EDA: variants seen among roughly 807,000 people sequenced by gnomAD.
EDA encodes ectodysplasin A, also known as ectodysplasin-A.
A neutral mutation model predicts 23.6 loss-of-function variants in EDA; 2 were observed. The ratio of observed to expected loss-of-function variants is 0.08; its 90% CI spans 0.03 to 0.27. The LOEUF (loss-of-function observed/expected upper bound fraction) is 0.27, where lower values mean the gene tolerates loss of function less well. Ranked by LOEUF, EDA falls within the 10% of genes least tolerant of loss-of-function variation. The pLI is 1.00. For missense variants in EDA, 229 were observed against 324.2 expected (o/e 0.71, Z 2.26); for synonymous variants, 131 against 132.0 (o/e 0.99, Z 0.05).
At chrX:69,719,941 G>C (rs755117061) in intron 1 of EDA, among the ~76,000 whole-genome samples, 13 of 110,018 alleles carry the variant, frequency 1.2e-4, no homozygotes, top group African/African-American at 2.6e-4. Flanking sequence ...GTAGGGATGG[G>C]GTTTCACCAT....
intron 1 of EDA, among the ~76,000 whole-genome samples, chrX:69,711,158 A>G (rs2012005783): frequency 9.0e-6 from 1 of 111,238 alleles, no homozygotes; most frequent in African/African-American, 3.3e-5. Flanking sequence ...TTATTTTGAG[A>G]TACGTCCCAT....
At chrX:69,850,180 A>T (rs1330885258) in intron 1 of EDA, among the ~76,000 whole-genome samples, 1 of 111,933 alleles carries the variant, frequency 8.9e-6, no homozygotes, top group African/African-American at 3.2e-5. Flanking sequence ...TTGTTAAGAA[A>T]TCCTTAAAAA....
intron 1 of EDA, among the ~76,000 whole-genome samples, chrX:69,865,441 A>G (rs757563238): frequency 9.0e-6 from 1 of 110,904 alleles, no homozygotes; most frequent in African/African-American, 3.3e-5. Flanking sequence ...TGAGGACAGG[A>G]AGCATCCAGC....
chrX:69,766,470 G>A (rs1165774345), intron 1 of EDA, among the ~76,000 whole-genome samples: 1 of 110,663 alleles, frequency 9.0e-6, no homozygotes, highest in African/African-American at 3.3e-5. Flanking sequence ...TGTCTTATAG[G>A]TCCTTAGGTC....
At chrX:69,805,355 T>C (rs2015790341) in intron 1 of EDA, among the ~76,000 whole-genome samples, 1 of 111,424 alleles carries the variant, frequency 9.0e-6, no homozygotes, top group Admixed American at 9.6e-5. Context: ...TACGAAAATA[T>C]CTGTTAAATG....
rs750648192 is a variant in EDA at position 69,689,005 on chromosome X, CT to C, written c.396+72302del. Among the ~76,000 whole-genome samples the C allele has an allele frequency of 2.2e-4, 25 of 111,566 alleles. 1 individual carries two copies. The highest frequency in any genetic ancestry group is 3.8e-4 in the Non-Finnish European group (20 of 53,158). ...TTGTCCCAGCACCATTTGTTGAAGA[CT>C]GTTTTTCCCCTATTGAATTCTCTCG... On this transcript the variant is annotated intron_variant, in intron 1 of 7. Transcript: ENST00000374552.
chrX:69,779,706 A>G (rs2014884395), intron 1 of EDA, among the ~76,000 whole-genome samples: 1 of 111,862 alleles, frequency 8.9e-6, no homozygotes, highest in Non-Finnish European at 1.9e-5. Context: ...TTAAATGATT[A>G]ATTTCATCTT....
At chrX:69,857,859 C>T (rs1348218906) in intron 1 of EDA, among the ~76,000 whole-genome samples, 1 of 112,348 alleles carries the variant, frequency 8.9e-6, no homozygotes, top group Non-Finnish European at 1.9e-5. Context: ...TTCTATCTAT[C>T]GATGAGCACT....
intron 1 of EDA, among the ~76,000 whole-genome samples, chrX:69,803,269 A>G (rs1324810056): frequency 1.8e-5 from 2 of 110,934 alleles, no homozygotes; most frequent in African/African-American, 6.5e-5. Flanking sequence ...TTGACATAAC[A>G]TGCATGATAC....
At chrX:69,668,212 G>A (rs1933754735) in intron 1 of EDA, among the ~76,000 whole-genome samples, 1 of 111,786 alleles carries the variant, frequency 8.9e-6, no homozygotes, top group Non-Finnish European at 1.9e-5. Context: ...TTTTCAAATT[G>A]CCCTTTTGAT....
At chrX:69,866,499 C>T (rs777091000) in intron 1 of EDA, among the ~76,000 whole-genome samples, 121 of 111,207 alleles carry the variant, frequency 1.1e-3, no homozygotes, top group African/African-American at 3.9e-3. Context: ...GCCAGCAGAA[C>T]GTAATGTTGC....
intron 1 of EDA, among the ~76,000 whole-genome samples, chrX:69,710,315 G>A (rs2011935358): frequency 1.8e-5 from 2 of 110,139 alleles, no homozygotes; most frequent in African/African-American, 6.6e-5. Flanking sequence ...GTAGATATGC[G>A]GCATTATTTC....
At chrX:69,770,000 G>T (rs1310931492) in intron 1 of EDA, among the ~76,000 whole-genome samples, 3 of 111,473 alleles carry the variant, frequency 2.7e-5, no homozygotes, top group African/African-American at 9.8e-5. Context: ...TTTTACAAAA[G>T]GAATCATAGC....
intron 1 of EDA, among the ~76,000 whole-genome samples, chrX:69,830,639 T>C (rs2016586344): frequency 8.9e-6 from 1 of 112,268 alleles, no homozygotes; most frequent in South Asian, 3.7e-4. Context: ...AAAAGGTAAA[T>C]AGTATAATAA....
intron 1 of EDA, among the ~76,000 whole-genome samples, chrX:69,893,871 A>T (rs756129827): frequency 1.8e-5 from 2 of 111,935 alleles, no homozygotes; most frequent in East Asian, 5.6e-4. Context: ...CTGGATTTCA[A>T]TTTGCCCACT....
At chrX:69,871,965 G>A (rs1005155229) in intron 1 of EDA, among the ~76,000 whole-genome samples, 3 of 111,680 alleles carry the variant, frequency 2.7e-5, no homozygotes, top group African/African-American at 9.8e-5. Context: ...CTAAAGTCAA[G>A]ACATAGGAAG....
intron 1 of EDA, among the ~76,000 whole-genome samples, chrX:69,829,984 C>T (rs779395750): frequency 6.9e-4 from 77 of 111,572 alleles, no homozygotes; most frequent in Middle Eastern, 4.2e-3. Flanking sequence ...CTATATTTGA[C>T]AGTATTGTCT....
At chrX:69,843,503 T>C (rs975727060) in intron 1 of EDA, among the ~76,000 whole-genome samples, 2 of 111,813 alleles carry the variant, frequency 1.8e-5, no homozygotes, top group Non-Finnish European at 3.8e-5. Context: ...TTCATTTCAT[T>C]ATACAGAGTA....
chrX:70,001,261 A>T (rs1020652921), intron 2 of EDA, among the ~76,000 whole-genome samples: 4 of 111,752 alleles, frequency 3.6e-5, no homozygotes, highest in African/African-American at 1.3e-4. Context: ...GACTCAGGAT[A>T]AGCTCCATTC....
Sources: gnomAD v4.1 joint callset for allele counts (sites outside exome capture counted in the v4.1 genomes callset) on GRCh38, gnomAD v4.1.1 for gene constraint, MANE v1.5 for transcripts, NCBI Gene and HGNC (gene_info 2026-07-23, HGNC 2026-07-21) for gene names.